Variants in NRXN1 observed in about 807,000 individuals in gnomAD.
NRXN1 encodes neurexin 1, also known as neurexin-1.
Under a neutral mutation model 150.9 loss-of-function variants are expected in NRXN1, and 39 were observed. The observed-to-expected ratio is 0.26, with a 90% CI of 0.20 to 0.34. The LOEUF (loss-of-function observed/expected upper bound fraction) is 0.34. Among genes scored for constraint, NRXN1 ranks in the 10% least tolerant of loss-of-function variants. The pLI is 1.00. For missense variants in NRXN1, 1,815 were observed against 1,949.9 expected, an observed-to-expected ratio of 0.93 and a Z score of 1.30; for synonymous variants, 924 against 757.0, an observed-to-expected ratio of 1.22 and a Z score of -3.62.
rs561426275 is a variant in NRXN1 at position 50,995,894 on chromosome 2, G to C, written c.772+31608C>G. Among the ~76,000 whole-genome samples, 73 of 152,112 alleles carry C rather than the reference G, an allele frequency of 4.8e-4. No homozygotes were observed. The Middle Eastern group carries it at 0.02, about 43-fold the overall frequency. ...CTGTCTTTCTGGTGTACTCTCTCAG[G>C]GTAGGGAGGGATCTTAAAGATAATA... On this transcript the variant is annotated intron_variant, in intron 2 of 22. Transcript: ENST00000401669.
chr2:50,050,926 C>A (rs760131319), intron 21 of NRXN1, among the ~76,000 whole-genome samples: 50 of 152,052 alleles, frequency 3.3e-4, no homozygotes, highest in Admixed American at 9.2e-4. Context: ...AAGTCAAATT[C>A]TTTAATTACT....
chr2:50,156,889 A>T (rs1434519982), intron 18 of NRXN1, among the ~76,000 whole-genome samples: 1 of 151,976 alleles, frequency 6.6e-6, no homozygotes, highest in Non-Finnish European at 1.5e-5. Context: ...GCTATAAGAA[A>T]ATGTCCTTTT....
rs1693293829 is a variant in NRXN1, at chr2:50,698,714, A to G, written c.833-75099T>C. Among the ~76,000 whole-genome samples the G allele has an allele frequency of 1.3e-5, 2 of 152,154 alleles. 1 individual carries two copies. The highest frequency in any genetic ancestry group is 2.9e-5 in the Non-Finnish European group (2 of 68,024). On this transcript the variant is annotated intron_variant, in intron 5 of 22. Transcript: ENST00000401669. Reference sequence around the variant, plus strand: ...AAAACCACTGAAACAGAATCTCATCAACTAGTCTCCATTATTCCCTAGAAA... The same window carrying G: ...AAAACCACTGAAACAGAATCTCATCGACTAGTCTCCATTATTCCCTAGAAA...
intron 18 of NRXN1, among the ~76,000 whole-genome samples, chr2:50,117,072 G>T (rs1703171274): frequency 1.3e-5 from 2 of 152,150 alleles, no homozygotes; most frequent in South Asian, 4.1e-4. Flanking sequence ...AAAAGCCTTG[G>T]GGATAAAGGG....
At position 50,592,188 on chromosome 2, in the gene NRXN1, C is replaced by T. The variant is rs546066250; in HGVS notation, c.1320+27834G>A. ...CTAATTACCACTAATTTACAGATGG[C>T]GAAATGACAGTTTAAGGAAATTAAG... is the stretch of plus-strand genomic sequence containing the variant. On this transcript the variant is annotated intron_variant, in intron 8 of 22. Coordinates refer to ENST00000401669, the MANE Select transcript of NRXN1 (RefSeq NM_001330078.2). Among the ~76,000 whole-genome samples the T allele has an allele frequency of 5.4e-4, 82 of 152,238 alleles. No individual in the cohort carries two copies. The South Asian group carries it at 0.013, about 23-fold the overall frequency.
intron 2 of NRXN1, among the ~76,000 whole-genome samples, chr2:50,996,515 C>T (rs1215486899): frequency 6.6e-6 from 1 of 152,000 alleles, no homozygotes; most frequent in African/African-American, 2.4e-5. Context: ...GTGTCAAAGA[C>T]AGCAGTGATA....
chr2:50,519,515 T>A (rs932357209), intron 12 of NRXN1, among the ~76,000 whole-genome samples: 45 of 152,016 alleles, frequency 3.0e-4, no homozygotes, highest in African/African-American at 1.1e-3. Context: ...AATTAAATCT[T>A]AGGCCAAATT....
chr2:50,469,551 T>A lies in NRXN1; in HGVS notation c.3244+2747A>T, dbSNP rs1379497007. Among the ~76,000 whole-genome samples the A allele has an allele frequency of 1.3e-4, 19 of 151,506 alleles. No homozygotes were observed. In the Admixed American group the frequency reaches 1.3e-3, roughly 10 times the overall value. ...GGACTCAAATTCCATGACATAACAA[T>A]CTTTAGAAAGAGAATTTATTAGGTA... On this transcript the variant is annotated intron_variant, in intron 16 of 22. Transcript: ENST00000401669.
intron 5 of NRXN1, among the ~76,000 whole-genome samples, chr2:50,873,822 T>C (rs149551539): frequency 1.4e-4 from 21 of 151,954 alleles, no homozygotes; most frequent in African/African-American, 4.8e-4. Flanking sequence ...TGGAGATTTA[T>C]GATGCTCTGC....
At chr2:50,427,316 T>C (rs1165918383) in intron 17 of NRXN1, among the ~76,000 whole-genome samples, 1 of 147,134 alleles carries the variant, frequency 6.8e-6, no homozygotes, top group African/African-American at 2.6e-5. Flanking sequence ...TGTATAATTA[T>C]ACAGTAGTTT....
At position 50,493,555 on chromosome 2, in the gene NRXN1, C is replaced by A. The variant is rs117277399; in HGVS notation, c.3070+2350G>T. Reference sequence around the variant, plus strand: ...AGTCAATGCTCCATAAATACTCATGCTCTGGCCAATGCCCACAGCCACCCT... The same window carrying A: ...AGTCAATGCTCCATAAATACTCATGATCTGGCCAATGCCCACAGCCACCCT... On this transcript the variant is annotated intron_variant, in intron 15 of 22. Transcript: ENST00000401669. Among the ~76,000 whole-genome samples the A allele has an allele frequency of 3.8e-3, 576 of 152,300 alleles. 18 individuals carry two copies. The East Asian group carries it at 0.051, about 13-fold the overall frequency.
intron 15 of NRXN1, among the ~76,000 whole-genome samples, chr2:50,475,347 A>G (rs186271791): frequency 6.6e-6 from 1 of 152,204 alleles, no homozygotes; most frequent in East Asian, 1.9e-4. Flanking sequence ...TTGGCCCTCA[A>G]TAAATATTGT....
chr2:51,014,995 G>T (rs564099984), intron 2 of NRXN1, among the ~76,000 whole-genome samples: 1 of 152,032 alleles, frequency 6.6e-6, no homozygotes. Flanking sequence ...AGACAATTAC[G>T]TATTTATTCT....
rs528793648 is a variant in NRXN1, at chr2:50,888,316, G to T, written c.832+33553C>A. Reference sequence around the variant, plus strand: ...CAAATTGGAGGGAAAGAAAGTCCATGAGATTTAATTGGAGGCAGGTGAAAT... The same window carrying T: ...CAAATTGGAGGGAAAGAAAGTCCATTAGATTTAATTGGAGGCAGGTGAAAT... On this transcript the variant is annotated intron_variant, in intron 5 of 22. Transcript: ENST00000401669. Among the ~76,000 whole-genome samples, 144 of 151,728 alleles carry T rather than the reference G, an allele frequency of 9.5e-4. 1 individual carries two copies. Among genetic ancestry groups the T allele is most frequent in the Middle Eastern group, 6.8e-3 (2 of 292 alleles).
intron 19 of NRXN1, among the ~76,000 whole-genome samples, chr2:50,059,732 T>G (rs1694208164): frequency 6.6e-6 from 1 of 152,136 alleles, no homozygotes; most frequent in Admixed American, 6.6e-5. Flanking sequence ...ATCCTAGCTG[T>G]GGCTAAAAGG....
chr2:50,752,725 G>C (rs1320282638), intron 5 of NRXN1, among the ~76,000 whole-genome samples: 2 of 151,492 alleles, frequency 1.3e-5, no homozygotes, highest in Admixed American at 1.3e-4. Context: ...AAAAATGTCA[G>C]GTTTTTCCAA....
intron 2 of NRXN1, among the ~76,000 whole-genome samples, chr2:50,968,276 C>A (rs564179058): frequency 3.9e-5 from 6 of 152,148 alleles, no homozygotes; most frequent in South Asian, 2.1e-4. Context: ...ATGCTTGCAA[C>A]AATTCTCTAC....
At chr2:50,423,525 G>A (rs568008666) in intron 17 of NRXN1, among the ~76,000 whole-genome samples, 2 of 152,200 alleles carry the variant, frequency 1.3e-5, no homozygotes, top group African/African-American at 4.8e-5. Flanking sequence ...AAACGAGAGA[G>A]CATCATACCA....
intron 5 of NRXN1, among the ~76,000 whole-genome samples, chr2:50,740,471 T>C (rs186637301): frequency 1.8e-4 from 27 of 152,326 alleles, no homozygotes; most frequent in African/African-American, 5.8e-4. Flanking sequence ...AGAGTGAAGA[T>C]GTCCAGGTTC....
Sources: allele counts gnomAD v4.1 joint callset (sites outside exome capture counted in the v4.1 genomes callset), GRCh38; gene constraint gnomAD v4.1.1; transcripts MANE v1.5; gene names NCBI Gene and HGNC (gene_info 2026-07-23, HGNC 2026-07-21).